FAT1: variants seen among roughly 807,000 people sequenced by gnomAD.
FAT1 encodes the protein protocadherin Fat 1.
FAT1 carries 171 observed loss-of-function variants against 329.8 expected under a neutral mutation model. The ratio of observed to expected loss-of-function variants is 0.52; its 90% CI spans 0.46 to 0.59. FAT1 has a LOEUF of 0.59. Among genes scored for constraint, FAT1 ranks in the 20% least tolerant of loss-of-function variants. The pLI, the probability that FAT1 is intolerant of heterozygous loss-of-function variation, is 0.00. For synonymous variants in FAT1, 2,233 were observed against 2,228.6 expected (o/e 1.00, Z -0.06); for missense variants, 5,672 against 5,774.4 (o/e 0.98, Z 0.57).
At chr4:186,605,153 G>A (rs1239474607) in intron 17 of FAT1, among the ~76,000 whole-genome samples, 1 of 150,468 alleles carries the variant, frequency 6.6e-6, no homozygotes, top group East Asian at 2.0e-4. Context: ...GAGGTGGAGG[G>A]TGCAGTGAGC....
At chr4:186,610,688 ATATAATTTATATAAATATAAATTT>A (rs1739394272) in intron 14 of FAT1, among the ~76,000 whole-genome samples, 1 of 63,126 alleles carries the variant, frequency 1.6e-5, no homozygotes, top group Admixed American at 1.7e-4. Context: ...AATATAAATT[ATATAATTTATATAAATATAAATTT>A]ATATAATTTA....
intron 2 of FAT1, among the ~76,000 whole-genome samples, chr4:186,698,370 T>A (rs901894502): frequency 6.6e-6 from 1 of 152,102 alleles, no homozygotes; most frequent in Non-Finnish European, 1.5e-5. Flanking sequence ...AGCCTAACCA[T>A]TATGCATTGA....
chr4:186,611,899 C>T, intron 13 of FAT1, 124 bp from the exon 14 acceptor site: 1 of 658,956 alleles, frequency 1.5e-6, no homozygotes, highest in Non-Finnish European at 2.6e-6. Context: ...TCTTGGCTCA[C>T]TGCAACCTCT....
chr4:186,588,892 A>C lies in FAT1; in HGVS notation c.13467T>G (p.Tyr4489Ter). ...RNRQRFNLNQYLPNFYPLDMS... is the reference protein window; with the variant it reads ...RNRQRFNLNQ Reference sequence around the variant, plus strand: ...TATCGAGGGGATAAAAATTGGGCAAATACTGATTCAAGTTGAACCTCTGCC... The same window carrying C: ...TATCGAGGGGATAAAAATTGGGCAACTACTGATTCAAGTTGAACCTCTGCC... Residue 4489 changes from tyrosine to a stop codon, truncating the protein, a stop_gained, in exon 27 of 27, where the codon TAT becomes TAG. Transcript: ENST00000441802. LOFTEE classifies it high-confidence loss of function. The C allele has an allele frequency of 6.2e-7, 1 of 1,613,950 alleles. No homozygotes were observed. The highest frequency in any genetic ancestry group is 8.5e-7 in the Non-Finnish European group (1 of 1,179,890).
intron 3 of FAT1, among the ~76,000 whole-genome samples, chr4:186,650,926 G>C (rs1265076014): frequency 6.6e-6 from 1 of 152,068 alleles, no homozygotes; most frequent in Non-Finnish European, 1.5e-5. Context: ...ATGGAAAACA[G>C]AGAGGGCAAC....
At chr4:186,659,843 C>T (rs2126610114) in intron 3 of FAT1, among the ~76,000 whole-genome samples, 1 of 148,372 alleles carries the variant, frequency 6.7e-6, no homozygotes, top group Non-Finnish European at 1.5e-5. Flanking sequence ...GCACTCTACA[C>T]ACACAAGCCG....
intron 2 of FAT1, among the ~76,000 whole-genome samples, chr4:186,671,511 A>G (rs993543231): frequency 6.6e-6 from 1 of 152,164 alleles, no homozygotes. Flanking sequence ...CAGCCTGCCC[A>G]ACATGTTGAA....
intron 3 of FAT1, among the ~76,000 whole-genome samples, chr4:186,658,375 C>A (rs1353381252): frequency 6.6e-6 from 1 of 152,170 alleles, no homozygotes; most frequent in Non-Finnish European, 1.5e-5. Context: ...ACACAAAATT[C>A]ATAAGCTCAC....
chr4:186,598,377 T>C lies in FAT1; in HGVS notation c.12104-252A>G, dbSNP rs1453925784. On this transcript the variant is annotated intron_variant, in intron 22 of 26. Coordinates refer to ENST00000441802, the MANE Select transcript of FAT1 (RefSeq NM_005245.4). ...TGCATTAAGATCACTAGGTCACACA[T>C]ATAGAGGAGGAAAATACAGTTCTTT... The C allele has an allele frequency of 5.0e-5, 18 of 360,584 alleles. No individual in the cohort carries two copies. The Admixed American group carries it at 6.0e-4, about 12-fold the overall frequency. The allele number at this position is 360,584 out of a possible 1,614,324, so 22.3% of individuals were successfully genotyped here.
Position 186,597,742 on chromosome 4 carries a change from G to C in FAT1, c.12308C>G (p.Thr4103Arg), listed in dbSNP as rs2126399525. The change falls in exon 24 of 27, where the codon ACA (threonine) becomes AGA (arginine). Residue 4103 changes from threonine to arginine, a missense_variant. Thr to Arg is a moderately conservative substitution (Grantham distance 71). Around this residue, in one of 2 missense-constraint regions of FAT1, gnomAD observed 1,706 missense variants for 1,859.1 expected, o/e 0.92. Transcript: ENST00000441802. ...GGCGCCATCCAAACTGTCAAAGCATGTTCCGCCATTCTTACAGGGTTCATC... is the reference window on the plus strand; with the variant it reads ...GGCGCCATCCAAACTGTCAAAGCATCTTCCGCCATTCTTACAGGGTTCATC... ...CKDEPCKNGG[T>R]CFDSLDGAVC... is the part of the protein sequence containing the mutation. The C allele has an allele frequency of 1.2e-6, 2 of 1,613,912 alleles. No individual in the cohort carries two copies. The highest frequency in any genetic ancestry group is 1.7e-6 in the Non-Finnish European group (2 of 1,179,876).
intron 2 of FAT1, among the ~76,000 whole-genome samples, chr4:186,664,040 G>A (rs988862964): frequency 6.6e-6 from 1 of 152,102 alleles, no homozygotes; most frequent in African/African-American, 2.4e-5. Context: ...GGCTACTCAG[G>A]AAGACAGGGA....
rs1190192211 is a variant in FAT1 at position 186,588,402 on chromosome 4, T to C, written c.*190A>G. 8 of 632,184 alleles carry C rather than the reference T, an allele frequency of 1.3e-5. No individual in the cohort carries two copies. The highest frequency in any genetic ancestry group is 2.8e-5 in the East Asian group (1 of 35,582). The allele number at this position is 632,184 out of a possible 1,614,324, so 39.2% of individuals were successfully genotyped here. A position where few individuals can be genotyped will look rare whatever the true frequency, so the allele number is the denominator to read the frequency against. On this transcript the variant is annotated 3_prime_UTR_variant, in exon 27 of 27. Coordinates refer to ENST00000441802, the MANE Select transcript of FAT1 (RefSeq NM_005245.4). ...AGACGTTGGGAAATGGCACAGCCGA[T>C]GAAAACCTCACGATGACAGTAGTTG...
In FAT1 at chr4:186,588,463, G is replaced by A; in HGVS notation, c.*129C>T. On this transcript the variant is annotated 3_prime_UTR_variant, in exon 27 of 27. Coordinates refer to ENST00000441802, the MANE Select transcript of FAT1 (RefSeq NM_005245.4). ...AATGGCTAGCACGTCCAGAGGCGCA[G>A]GATCCAGCGCAGCCATGCCCATTCG... 10 of 1,121,526 alleles carry A rather than the reference G, an allele frequency of 8.9e-6. No homozygotes were observed. In the South Asian group the frequency reaches 1.6e-4, roughly 18 times the overall value. The allele number at this position is 1,121,526 out of a possible 1,614,324, so 69.5% of individuals were successfully genotyped here. A position where few individuals can be genotyped will look rare whatever the true frequency, so the allele number is the denominator to read the frequency against.
rs538855173 is a variant in FAT1, at chr4:186,602,432, G to C, written c.11482+471C>G. Among the ~76,000 whole-genome samples the C allele has an allele frequency of 2.2e-4, 34 of 152,242 alleles. No homozygotes were observed. The South Asian group carries it at 6.8e-3, about 31-fold the overall frequency. ...TTATCTGAAAGAAAGAGAACAACTC[G>C]AATCTTTACACATAAGAACAATGTT... On this transcript the variant is annotated intron_variant, in intron 20 of 26. Transcript: ENST00000441802.
At chr4:186,663,252 A>C in intron 3 of FAT1, 47 bp downstream of exon 3, 1 of 1,393,618 alleles carries the variant, frequency 7.2e-7, no homozygotes, top group South Asian at 1.3e-5. Flanking sequence ...TCCCCCTAAC[A>C]GAAAAGCATA....
intron 3 of FAT1, among the ~76,000 whole-genome samples, chr4:186,652,863 A>G (rs962641317): frequency 6.6e-6 from 1 of 152,228 alleles, no homozygotes; most frequent in Non-Finnish European, 1.5e-5. Flanking sequence ...AGCACCCAGT[A>G]TACCTACCAG....
rs925613252 is a variant in FAT1, at chr4:186,606,339, C to T, written c.10207-126G>A. 24 of 947,984 alleles carry T rather than the reference C, an allele frequency of 2.5e-5. No homozygotes were observed. In the African/African-American group the frequency reaches 3.8e-4, roughly 15 times the overall value. 58.7% of individuals were successfully genotyped at this position (947,984 alleles called of 1,614,324 possible). ...AGCTACCACTATCTGTTGCATCCTG[C>T]CTGTGAGCGATGCCCTAATCTCCTA... On this transcript the variant is annotated intron_variant, in intron 16 of 26. Coordinates refer to ENST00000441802, the MANE Select transcript of FAT1 (RefSeq NM_005245.4).
intron 5 of FAT1, among the ~76,000 whole-genome samples, 168 bp from the exon 6 acceptor site, chr4:186,636,403 A>G (rs1054025853): frequency 6.6e-6 from 1 of 152,184 alleles, no homozygotes; most frequent in Non-Finnish European, 1.5e-5. Context: ...TCATGACCAC[A>G]TTCAACATAA....
intron 26 of FAT1, among the ~76,000 whole-genome samples, chr4:186,590,967 C>G (rs530374808): frequency 3.6e-4 from 55 of 152,310 alleles, no homozygotes; most frequent in Non-Finnish European, 6.2e-4. Flanking sequence ...TGAGCCATTC[C>G]CTAAAGAGAC....
Sources: gnomAD v4.1 joint callset for allele counts (sites outside exome capture counted in the v4.1 genomes callset) on GRCh38, gnomAD v4.1.1 for gene constraint, gnomAD v4.1.1 regional missense constraint, MANE v1.5 for transcripts, NCBI Gene and HGNC (gene_info 2026-07-23, HGNC 2026-07-21) for gene names.